GRAMD1C: variants seen among roughly 807,000 people sequenced by gnomAD.
GRAMD1C encodes GRAM domain containing 1C, also known as protein Aster-C.
GRAMD1C carries 89 observed loss-of-function variants against 97.8 expected under a neutral mutation model. The observed-to-expected ratio is 0.91, with a 90% CI of 0.77 to 1.09. The LOEUF (loss-of-function observed/expected upper bound fraction) is 1.09, where lower values mean the gene tolerates loss of function less well. Among genes scored for constraint, GRAMD1C ranks in the 50% least tolerant of loss-of-function variants. The pLI is 0.00. For synonymous variants in GRAMD1C, 256 were observed against 267.0 expected, an observed-to-expected ratio of 0.96 and a Z score of 0.40; for missense variants, 740 against 766.4, an observed-to-expected ratio of 0.97 and a Z score of 0.41.
rs112580687 is a variant in GRAMD1C, at chr3:113,920,196, T to C, written c.1090+4358T>C. 2.3e-4 allele frequency: 310 copies of C among 1,333,472 alleles called. 2 individuals carry two copies. The African/African-American group carries it at 3.7e-3, about 16-fold the overall frequency. The allele number at this position is 1,333,472 out of a possible 1,614,324, so 82.6% of individuals were successfully genotyped here. The stretch of plus-strand genomic sequence containing the variant: ...CAGGCATCTGCTCAACAGCCTGAAA[T>C]GTGAACTGAATAGGAGACCAAAAAA... On this transcript the variant is annotated intron_variant, in intron 10 of 17. Transcript: ENST00000358160.
chr3:113,911,696 T>TTTCCTTCCTTCCTTCCTTCTTTCTC lies in GRAMD1C; in HGVS notation c.952+2595_952+2596insTTTCTCTTCCTTCCTTCCTTCCTTC, dbSNP rs1553723609. On this transcript the variant is annotated intron_variant, in intron 9 of 17. Coordinates refer to ENST00000358160, the MANE Select transcript of GRAMD1C (RefSeq NM_017577.5). ...CTCTCTCTCTTTCTCTCTCTGTTTC[T>TTTCCTTCCTTCCTTCCTTCTTTCTC]TTCCTTCCTTCCTTCCTTCCTTCCT... Among the ~76,000 whole-genome samples, 283 of 78,820 alleles carry TTTCCTTCCTTCCTTCCTTCTTTCTC rather than the reference T, an allele frequency of 3.6e-3. 8 individuals carry two copies. The highest frequency in any genetic ancestry group is 0.022 in the Middle Eastern group (4 of 178). The allele number at this position is 78,820 out of a possible 152,430, so 51.7% of individuals were successfully genotyped here.
intron 5 of GRAMD1C, among the ~76,000 whole-genome samples, chr3:113,881,218 G>A (rs1469788742): frequency 6.6e-6 from 1 of 152,126 alleles, no homozygotes; most frequent in Admixed American, 6.6e-5. Flanking sequence ...GCAGTGGCGC[G>A]ATCCTAGCTC....
intron 10 of GRAMD1C, among the ~76,000 whole-genome samples, chr3:113,918,068 GTTC>G (rs1936899611): frequency 6.6e-6 from 1 of 151,892 alleles, no homozygotes; most frequent in Non-Finnish European, 1.5e-5. Flanking sequence ...AATCAATTTT[GTTC>G]TTATTATTGA....
In GRAMD1C at chr3:113,946,314, A is replaced by C. The variant is rs941551272; in HGVS notation, c.*836A>C. The C allele has an allele frequency of 5.2e-5, 8 of 152,604 alleles. No individual in the cohort carries two copies. Among genetic ancestry groups the C allele is most frequent in the Admixed American group, 3.3e-4 (5 of 15,290 alleles). 9.5% of individuals were successfully genotyped at this position (152,604 alleles called of 1,614,324 possible). ...GGAAGTGACACATCTGGTTGAAAAT[A>C]ATTTGTGTATTTTCAGTAACCATGT... is the stretch of plus-strand genomic sequence containing the variant. On this transcript the variant is annotated 3_prime_UTR_variant, in exon 18 of 18. Coordinates refer to ENST00000358160, the MANE Select transcript of GRAMD1C (RefSeq NM_017577.5).
chr3:113,933,355 A>G (rs1374622267), intron 11 of GRAMD1C, among the ~76,000 whole-genome samples, 156 bp from the exon 12 acceptor site: 1 of 152,216 alleles, frequency 6.6e-6, no homozygotes, highest in African/African-American at 2.4e-5. Flanking sequence ...TTTATGGACA[A>G]CAGAGTCAGC....
chr3:113,871,438 C>T (rs1012481802), intron 3 of GRAMD1C, among the ~76,000 whole-genome samples: 1 of 151,788 alleles, frequency 6.6e-6, no homozygotes, highest in African/African-American at 2.4e-5. Flanking sequence ...GAGGCTGAGG[C>T]GGGTGGCTTG....
chr3:113,894,952 T>C (rs1311758209), intron 6 of GRAMD1C, among the ~76,000 whole-genome samples: 1 of 152,112 alleles, frequency 6.6e-6, no homozygotes, highest in Non-Finnish European at 1.5e-5. Context: ...TCAGGTGTGT[T>C]GGGGAAAAAG....
intron 5 of GRAMD1C, among the ~76,000 whole-genome samples, chr3:113,878,495 T>G (rs1269875594): frequency 6.6e-6 from 1 of 152,178 alleles, no homozygotes; most frequent in African/African-American, 2.4e-5. Context: ...ATAATAATGG[T>G]GTACATTAAA....
At chr3:113,828,772 C>T (rs1220083659) in intron 1 of GRAMD1C, among the ~76,000 whole-genome samples, 1 of 152,092 alleles carries the variant, frequency 6.6e-6, no homozygotes, top group Admixed American at 6.6e-5. Flanking sequence ...ACTTTCAATT[C>T]CTGGTTTCTT....
chr3:113,829,423 A>G (rs1021371134), intron 1 of GRAMD1C, among the ~76,000 whole-genome samples: 11 of 152,172 alleles, frequency 7.2e-5, no homozygotes, highest in Admixed American at 1.3e-4. Context: ...TAGCTTGGGT[A>G]ATAGAGAGAG....
rs775198817 is a variant in GRAMD1C, at chr3:113,933,597, C to G, written c.1296C>G (p.Phe432Leu). The G allele has an allele frequency of 6.2e-7, 1 of 1,604,450 alleles. No individual in the cohort carries two copies. The highest frequency in any genetic ancestry group is 8.5e-7 in the Non-Finnish European group (1 of 1,171,186). The part of the protein sequence containing the change: ...LTHDVPYHDY[F>L]YTVNRYCIIR... The stretch of plus-strand genomic sequence containing the variant: ...ATGATGTCCCCTACCATGATTACTT[C>G]TATACCGTGAACAGATACTGTATCA... Residue 432 changes from phenylalanine (F) to leucine (L), a missense_variant, in exon 12 of 18, where the codon TTC becomes TTG. Physicochemically the swap from Phe to Leu is conservative, Grantham distance 22 (BLOSUM62 0). Transcript: ENST00000358160.
chr3:113,833,130 T>TGTG (rs1559769419), intron 1 of GRAMD1C, among the ~76,000 whole-genome samples: 1 of 149,338 alleles, frequency 6.7e-6, no homozygotes, highest in African/African-American at 2.5e-5. Flanking sequence ...CTTTTTTTTT[T>TGTG]TTTTTGTGTG....
chr3:113,885,277 G>C (rs1461440897), intron 6 of GRAMD1C: 3 of 1,403,120 alleles, frequency 2.1e-6, no homozygotes, highest in African/African-American at 2.8e-5. Flanking sequence ...CTCCGGGGCC[G>C]GCGGTGCCGG....
At chr3:113,869,436 C>T in intron 2 of GRAMD1C, 71 bp from the exon 3 acceptor site, 1 of 785,536 alleles carries the variant, frequency 1.3e-6, no homozygotes. Context: ...ATTTTAAATT[C>T]CACTTGATAT....
At chr3:113,913,579 T>C (rs1936693056) in intron 9 of GRAMD1C, among the ~76,000 whole-genome samples, 1 of 152,170 alleles carries the variant, frequency 6.6e-6, no homozygotes, top group Non-Finnish European at 1.5e-5. Context: ...CTGATCACAC[T>C]TTGCTCCTTG....
intron 6 of GRAMD1C, among the ~76,000 whole-genome samples, chr3:113,884,351 A>C (rs1053845584): frequency 1.1e-4 from 16 of 152,220 alleles, no homozygotes; most frequent in African/African-American, 3.6e-4. Flanking sequence ...AATACTTGTA[A>C]ATAACCAATG....
Position 113,894,126 on chromosome 3 carries a change from G to A in GRAMD1C, c.541-6905G>A, listed in dbSNP as rs573448097. On this transcript the variant is annotated intron_variant, in intron 6 of 17. Coordinates refer to ENST00000358160, the MANE Select transcript of GRAMD1C (RefSeq NM_017577.5). ...TAAGAAAATAGGGTTCGTATGTAAGGTTATCAGTAGTAACAAGGGTTAAAA... is the reference window on the plus strand; with the variant it reads ...TAAGAAAATAGGGTTCGTATGTAAGATTATCAGTAGTAACAAGGGTTAAAA... Among the ~76,000 whole-genome samples the A allele has an allele frequency of 3.9e-5, 6 of 152,202 alleles. No homozygotes were observed. The East Asian group carries it at 5.8e-4, about 15-fold the overall frequency.
At chr3:113,893,382 T>C (rs1329727872) in intron 6 of GRAMD1C, among the ~76,000 whole-genome samples, 1 of 88,918 alleles carries the variant, frequency 1.1e-5, no homozygotes, top group Non-Finnish European at 2.5e-5. Context: ...AATGTTCTGC[T>C]TTTTTTTTTT....
In GRAMD1C at chr3:113,930,915, A is replaced by G; in HGVS notation, c.1209+83A>G. ...CTATTATAGTTCACCAATTTACAAGACAGTTTCAATAAACAAGTGGCAAGA... is the reference window on the plus strand; with the variant it reads ...CTATTATAGTTCACCAATTTACAAGGCAGTTTCAATAAACAAGTGGCAAGA... On this transcript the variant is annotated intron_variant, in intron 11 of 17. Transcript: ENST00000358160. The G allele has an allele frequency of 4.3e-6, 3 of 693,784 alleles. No individual in the cohort carries two copies. The South Asian group carries it at 5.7e-5, about 13-fold the overall frequency. The allele number at this position is 693,784 out of a possible 1,614,324, so 43.0% of individuals were successfully genotyped here.
Sources: gnomAD v4.1 joint callset for allele counts (sites outside exome capture counted in the v4.1 genomes callset) on GRCh38, gnomAD v4.1.1 for gene constraint, MANE v1.5 for transcripts, NCBI Gene and HGNC (gene_info 2026-07-23, HGNC 2026-07-21) for gene names.